The following ANK1 variants were observed in gnomAD, a reference collection of about 807,000 sequenced individuals.
ANK1 encodes ankyrin-1.
A neutral mutation model predicts 210.4 loss-of-function variants in ANK1; 51 were observed. The ratio of observed to expected loss-of-function variants is 0.24; its 90% confidence interval spans 0.19 to 0.31. The LOEUF is 0.31. Ranked by LOEUF, ANK1 falls within the 10% of genes least tolerant of loss-of-function variation. The pLI is 1.00. For missense variants in ANK1, 2,051 were observed against 2,504.4 expected, an observed-to-expected ratio of 0.82 and a Z score of 3.86; for synonymous variants, 967 against 1,025.9, an observed-to-expected ratio of 0.94 and a Z score of 1.10.
chr8:41,830,012 A>G (rs960758818), intron 1 of ANK1: 1 of 151,198 alleles, frequency 6.6e-6, no homozygotes, highest in Non-Finnish European at 1.5e-5. Context: ...CTCTTTGCCT[A>G]GATATTCCTC....
intron 1 of ANK1, among the ~76,000 whole-genome samples, chr8:41,831,543 G>T (rs1241475001): frequency 6.6e-6 from 1 of 151,054 alleles, no homozygotes; most frequent in Non-Finnish European, 1.5e-5. Context: ...AGCTACTCGG[G>T]AAACTGAGGC....
intron 1 of ANK1, among the ~76,000 whole-genome samples, chr8:41,786,734 G>A (rs1375456433): frequency 6.6e-6 from 1 of 152,136 alleles, no homozygotes; most frequent in Non-Finnish European, 1.5e-5. Flanking sequence ...TGAGGACACT[G>A]AAAACAAGTG....
intron 20 of ANK1, 140 bp downstream of exon 20, chr8:41,703,901 C>G (rs1757651194): frequency 1.3e-6 from 1 of 755,358 alleles, no homozygotes; most frequent in Non-Finnish European, 2.3e-6. Context: ...CCAGGGTACC[C>G]AAGGTAGCTG....
At chr8:41,714,547 T>C (rs188880176) in intron 15 of ANK1, among the ~76,000 whole-genome samples, 2 of 152,116 alleles carry the variant, frequency 1.3e-5, no homozygotes, top group East Asian at 3.9e-4. Context: ...AAGGCCATTC[T>C]CTCTCGATGG....
At chr8:41,702,293 C>T (rs1823055849) in intron 20 of ANK1, 149 bp from the exon 21 acceptor site, 3 of 648,066 alleles carry the variant, frequency 4.6e-6, no homozygotes, top group Non-Finnish European at 8.2e-6. Flanking sequence ...AAAGAGATCC[C>T]TGCACGTGTG....
In ANK1 at chr8:41,695,254, T is replaced by C. The variant is rs1206067199; in HGVS notation, c.3038A>G (p.Asn1013Ser). The C allele has an allele frequency of 1.2e-6, 2 of 1,613,646 alleles. No homozygotes were observed. The highest frequency in any genetic ancestry group is 2.7e-5 in the African/African-American group (2 of 74,810). ...CCTGTGCTCCTTCCACACGGAGCCG[T>C]TTTCGCTCCTCAGAACCACGAGCTC... ...DRELVVLRSE[N>S]GSVWKEHRSR... Residue 1013 changes from asparagine (N) to serine (S), a missense_variant, in exon 27 of 43, where the codon AAC (asparagine) becomes AGC (serine). Transcript: ENST00000289734.
In ANK1 at chr8:41,668,555, G is replaced by A; in HGVS notation, c.5106C>T (p.Asp1702=). ...AGACAATCGAGCCGTCTGCATCCCAGTCCTGCAGTCTGGGGTCCAGAAGAA... is the reference window on the plus strand; with the variant it reads ...AGACAATCGAGCCGTCTGCATCCCAATCCTGCAGTCTGGGGTCCAGAAGAA... ...VTERSQDRLQ[D]WDADGSIVSY... Residue 1702 remains aspartate, a synonymous_variant, in exon 39 of 43, where the codon GAC becomes GAT. Transcript: ENST00000289734. 1 of 1,612,652 alleles carries A rather than the reference G, an allele frequency of 6.2e-7. No homozygotes were observed. The highest frequency in any genetic ancestry group is 1.1e-5 in the South Asian group (1 of 91,048).
chr8:41,701,661 AGCCGCACACATTTTTT>A (rs1563484526), intron 21 of ANK1, 39 bp from the exon 22 acceptor site: 1 of 1,598,120 alleles, frequency 6.3e-7, no homozygotes, highest in Admixed American at 1.7e-5. Flanking sequence ...CCCAAACTAG[AGCCGCACACATTTTTT>A]ACCAGCCCAG....
rs373513478 is a variant in ANK1, at chr8:41,655,674, G to A, written c.*116C>T. On this transcript the variant is annotated 3_prime_UTR_variant, in exon 43 of 43. Transcript: ENST00000289734. ...CCCAGAGGAATGTGTGCACCGCTGC[G>A]GTGGCCCTCAGGTCCAGCTCTCCTC... The A allele has an allele frequency of 4.4e-5, 71 of 1,597,306 alleles. No homozygotes were observed. In the African/African-American group the frequency reaches 7.6e-4, roughly 17 times the overall value.
intron 2 of ANK1, 105 bp downstream of exon 2, chr8:41,757,931 G>A: frequency 9.4e-7 from 1 of 1,059,348 alleles, no homozygotes; most frequent in Non-Finnish European, 1.5e-6. Context: ...GGAGTTTTGA[G>A]GCCACTGAGA....
intron 1 of ANK1, among the ~76,000 whole-genome samples, chr8:41,868,659 G>A (rs535795157): frequency 5.7e-4 from 87 of 152,322 alleles, no homozygotes; most frequent in African/African-American, 2.0e-3. Context: ...CTTAAATCAT[G>A]TGCCATAAGC....
chr8:41,833,053 A>G (rs1220976416), intron 1 of ANK1, among the ~76,000 whole-genome samples: 1 of 152,064 alleles, frequency 6.6e-6, no homozygotes, highest in Non-Finnish European at 1.5e-5. Context: ...TCCAACTCCC[A>G]CCCCTACCAC....
chr8:41,782,595 A>G (rs1378528342), intron 1 of ANK1, among the ~76,000 whole-genome samples: 1 of 152,116 alleles, frequency 6.6e-6, no homozygotes, highest in African/African-American at 2.4e-5. Flanking sequence ...AATTCCTGAC[A>G]CCCAGAAAGG....
At chr8:41,668,666 C>T in intron 38 of ANK1, 102 bp from the exon 39 acceptor site, 1 of 1,307,998 alleles carries the variant, frequency 7.6e-7, no homozygotes, top group South Asian at 1.5e-5. Flanking sequence ...CCACCCAGAG[C>T]TCTGGCTCAT....
At chr8:41,658,550 C>T (rs1395285938) in intron 42 of ANK1, among the ~76,000 whole-genome samples, 1 of 152,230 alleles carries the variant, frequency 6.6e-6, no homozygotes, top group East Asian at 1.9e-4. Context: ...CCAGCTTTCA[C>T]TCTCTGAAAC....
At chr8:41,852,339 G>A (rs140768315) in intron 1 of ANK1, among the ~76,000 whole-genome samples, 10 of 152,340 alleles carry the variant, frequency 6.6e-5, no homozygotes, top group Non-Finnish European at 1.5e-4. Context: ...GGGAACATGC[G>A]GGCCGAAGCG....
intron 13 of ANK1, among the ~76,000 whole-genome samples, chr8:41,716,389 GC>G (rs917422159): frequency 2.0e-5 from 3 of 152,036 alleles, no homozygotes; most frequent in African/African-American, 7.2e-5. Context: ...CTGCTGTCGG[GC>G]TGCCTGGGCC....
At chr8:41,727,853 G>T in intron 4 of ANK1, 55 bp downstream of exon 4, 1 of 1,573,210 alleles carries the variant, frequency 6.4e-7, no homozygotes, top group Non-Finnish European at 8.8e-7. Flanking sequence ...GAGCAGCAAA[G>T]AGGAACCACC....
intron 37 of ANK1, among the ~76,000 whole-genome samples, chr8:41,676,916 T>C (rs1192682702): frequency 2.0e-5 from 3 of 152,250 alleles, no homozygotes; most frequent in African/African-American, 4.8e-5. Context: ...TTCAATTTTC[T>C]AAACAAGTTG....
Sources: gnomAD v4.1 joint callset for allele counts (sites outside exome capture counted in the v4.1 genomes callset) on GRCh38, gnomAD v4.1.1 for gene constraint, MANE v1.5 for transcripts, NCBI Gene and HGNC (gene_info 2026-07-23, HGNC 2026-07-21) for gene names.